The following ALDH3B2 variants were observed in gnomAD, a reference collection of about 807,000 sequenced individuals.
ALDH3B2 encodes aldehyde dehydrogenase family 3 member B2.
In ALDH3B2, 45 loss-of-function variants were observed where a neutral mutation model predicts 36.7. The ratio of observed to expected loss-of-function variants is 1.23; its 90% CI spans 0.97 to 1.57. ALDH3B2 has a LOEUF of 1.57. ALDH3B2 is among the 40% of genes most tolerant of loss of function. The probability of loss-of-function intolerance (pLI) is 0.00; values close to 1 mark genes in which losing one functional copy is unlikely to be tolerated. For missense variants in ALDH3B2, 464 were observed against 513.3 expected (o/e 0.90, Z 0.93); for synonymous variants, 217 against 226.5 (o/e 0.96, Z 0.38).
At chr11:67,666,787 A>G (rs1855932645) in intron 3 of ALDH3B2, 93 bp from the exon 4 acceptor site, 2 of 1,607,548 alleles carry the variant, frequency 1.2e-6, no homozygotes, top group Admixed American at 1.7e-5. Context: ...GTGCGATGGA[A>G]TCCCAGGAGA....
In ALDH3B2 at chr11:67,666,538, G is replaced by A. The variant is rs761711204; in HGVS notation, c.151+36C>T. 22 of 1,612,946 alleles carry A rather than the reference G, an allele frequency of 1.4e-5. No individual in the cohort carries two copies. In the South Asian group the frequency reaches 2.3e-4, roughly 17 times the overall value. ...GGGCCTCTTTGGGAGGGGCTACTGG[G>A]CGGGGAGAGCATGGGGTTCGGAACG... On this transcript the variant is annotated intron_variant, in intron 4 of 9. Transcript: ENST00000349015.
chr11:67,671,964 C>T (rs186596552), intron 1 of ALDH3B2, among the ~76,000 whole-genome samples: 3 of 147,284 alleles, frequency 2.0e-5, no homozygotes, highest in African/African-American at 7.6e-5. Context: ...CTACCTGTGA[C>T]CTGGAAGCTG....
upstream of ALDH3B2, among the ~76,000 whole-genome samples, chr11:67,677,627 T>C (rs560790965): frequency 6.6e-6 from 1 of 152,090 alleles, no homozygotes; most frequent in Non-Finnish European, 1.5e-5. Flanking sequence ...GAAAAAGAAA[T>C]AGGGGCATCT....
chr11:67,669,437 C>T (rs1353583029), intron 1 of ALDH3B2, among the ~76,000 whole-genome samples: 18 of 49,414 alleles, frequency 3.6e-4, no homozygotes, highest in Non-Finnish European at 5.7e-4. Flanking sequence ...TGTGTGTGTC[C>T]ATGTGTGTCT....
rs74946629 is a variant in ALDH3B2 at position 67,666,562 on chromosome 11, C to A, written c.151+12G>T. 2 of 1,613,706 alleles carry A rather than the reference C, an allele frequency of 1.2e-6. No individual in the cohort carries two copies. The highest frequency in any genetic ancestry group is 4.5e-5 in the East Asian group (2 of 44,864). Reference sequence around the variant, plus strand: ...GGCGGGGAGAGCATGGGGTTCGGAACGCCCTCCTCACCTGCGGCGAGGGCG... The same window carrying A: ...GGCGGGGAGAGCATGGGGTTCGGAAAGCCCTCCTCACCTGCGGCGAGGGCG... On this transcript the variant is annotated intron_variant, in intron 4 of 9. Transcript: ENST00000349015.
At chr11:67,662,165 A>C (rs1855762382) in exon 10 of ALDH3B2, 1 of 152,266 alleles carries the variant, frequency 6.6e-6, no homozygotes, top group Non-Finnish European at 1.5e-5. Flanking sequence ...TAGGCTCTCC[A>C]GAACAGATGA....
chr11:67,674,930 C>T (rs767049478), upstream of ALDH3B2, among the ~76,000 whole-genome samples: 13 of 152,138 alleles, frequency 8.5e-5, no homozygotes, highest in Non-Finnish European at 1.6e-4. Flanking sequence ...GTGGCAAATG[C>T]TGCCTTCGCC....
intron 1 of ALDH3B2, among the ~76,000 whole-genome samples, chr11:67,669,984 A>G (rs111200386): frequency 8.0e-3 from 128 of 16,062 alleles, no homozygotes; most frequent in African/African-American, 0.018. Context: ...GGGTGTCTGT[A>G]TGTGTATGGG....
exon 9 of ALDH3B2, chr11:67,663,737 T>C: frequency 1.9e-6 from 3 of 1,612,610 alleles, no homozygotes; most frequent in East Asian, 4.5e-5. Context: ...CCGCTGCTGG[T>C]CCGCTCCAGC....
chr11:67,664,539 G>T (rs1855843546), exon 8 of ALDH3B2: 3 of 1,613,656 alleles, frequency 1.9e-6, no homozygotes, highest in Non-Finnish European at 1.7e-6. Flanking sequence ...TCCGTCTCCT[G>T]CACGTCCACC....
intron 9 of ALDH3B2, 112 bp from the exon 10 acceptor site, chr11:67,663,511 GGCCACTCACAGA>G: frequency 7.0e-7 from 1 of 1,420,270 alleles, no homozygotes. Flanking sequence ...GAGAGAGCCA[GGCCACTCACAGA>G]GCCATTTTAC....
At chr11:67,671,992 A>T (rs1194430325) in intron 1 of ALDH3B2, among the ~76,000 whole-genome samples, 1 of 118,702 alleles carries the variant, frequency 8.4e-6, no homozygotes, top group Non-Finnish European at 1.7e-5. Context: ...CCTCACCCCC[A>T]CCCCCTGCTT....
upstream of ALDH3B2, among the ~76,000 whole-genome samples, chr11:67,676,046 GA>G: frequency 6.6e-6 from 1 of 152,314 alleles, no homozygotes; most frequent in East Asian, 1.9e-4. Context: ...AGGAGTTCCA[GA>G]ACAGCCTGGC....
rs976647997 is a variant in ALDH3B2, at chr11:67,663,021, C to T, written c.*194G>A. ...TGTTCTGCGGCCTCTTGGCCTCTCT[C>T]GAGCAGCGTCCCCCAGATAGAAGCA... On this transcript the variant is annotated 3_prime_UTR_variant, in exon 10 of 10. Transcript: ENST00000349015. 2.1e-5 allele frequency: 15 copies of T among 700,924 alleles called. No homozygotes were observed. In the East Asian group the frequency reaches 2.4e-4, roughly 11 times the overall value. The allele number at this position is 700,924 out of a possible 1,614,324, so 43.4% of individuals were successfully genotyped here.
At chr11:67,665,109 G>A (rs1310394719) in intron 7 of ALDH3B2, among the ~76,000 whole-genome samples, 176 bp downstream of exon 7, 1 of 152,194 alleles carries the variant, frequency 6.6e-6, no homozygotes, top group Non-Finnish European at 1.5e-5. Flanking sequence ...GCCTCATGGG[G>A]CCACAGGCTC....
chr11:67,679,339 C>A (rs900261688), upstream of ALDH3B2, among the ~76,000 whole-genome samples: 1 of 151,948 alleles, frequency 6.6e-6, no homozygotes, highest in African/African-American at 2.4e-5. Flanking sequence ...TGCATTGTGG[C>A]GTGCACCTGT....
chr11:67,664,079 A>C, intron 8 of ALDH3B2: 2 of 548,180 alleles, frequency 3.6e-6, no homozygotes, highest in East Asian at 3.1e-5. Context: ...GCTGGGCTCT[A>C]TCAGGCCCCT....
chr11:67,672,442 C>T (rs903436570), intron 1 of ALDH3B2, among the ~76,000 whole-genome samples: 19 of 151,830 alleles, frequency 1.3e-4, no homozygotes, highest in Non-Finnish European at 1.9e-4. Flanking sequence ...CGTGAGCCAC[C>T]GTGCCTGGCC....
chr11:67,675,975 G>A (rs889703447), upstream of ALDH3B2, among the ~76,000 whole-genome samples: 2 of 152,244 alleles, frequency 1.3e-5, no homozygotes, highest in Admixed American at 6.5e-5. Flanking sequence ...GTCGGGTGCG[G>A]TGGCTCATGC....
Sources: gnomAD v4.1 joint callset for allele counts (sites outside exome capture counted in the v4.1 genomes callset) on GRCh38, gnomAD v4.1.1 for gene constraint, MANE v1.5 for transcripts, NCBI Gene and HGNC (gene_info 2026-07-23, HGNC 2026-07-21) for gene names.